SMYD2: variants seen among roughly 807,000 people sequenced by gnomAD.
SMYD2 encodes the protein SET and MYND domain containing 2.
A neutral mutation model predicts 59.1 loss-of-function variants in SMYD2; 53 were observed. The observed-to-expected ratio is 0.90, with a 90% CI of 0.72 to 1.13. The LOEUF is 1.13. SMYD2 is among the 50% of genes most tolerant of loss of function. The pLI, the probability that SMYD2 is intolerant of heterozygous loss-of-function variation, is 0.00. For synonymous variants in SMYD2, 208 were observed against 198.8 expected (o/e 1.05, Z -0.39); for missense variants, 494 against 544.7 (o/e 0.91, Z 0.93).
At chr1:214,283,600 T>G (rs1656482803) in intron 1 of SMYD2, among the ~76,000 whole-genome samples, 2 of 152,344 alleles carry the variant, frequency 1.3e-5, no homozygotes, top group African/African-American at 4.8e-5. Flanking sequence ...ATCTGATAGA[T>G]TCAGCATCAG....
At chr1:214,287,047 T>C (rs894524854) in intron 1 of SMYD2, among the ~76,000 whole-genome samples, 2 of 151,678 alleles carry the variant, frequency 1.3e-5, no homozygotes, top group African/African-American at 4.8e-5. Flanking sequence ...CAGGCTGGTC[T>C]TGAACTCCTG....
In SMYD2 at chr1:214,289,585, C is replaced by G. The variant is rs192280118; in HGVS notation, c.173+8158C>G. On this transcript the variant is annotated intron_variant, in intron 1 of 11. Coordinates refer to ENST00000366957, the MANE Select transcript of SMYD2 (RefSeq NM_020197.3). ...TTTTCAGAATGTTCCCTCTCATTTC[C>G]TGCTCTTCTCACAGACAGCTCCTCT... Among the ~76,000 whole-genome samples the G allele has an allele frequency of 4.9e-4, 74 of 152,302 alleles. 1 individual carries two copies. The highest frequency in any genetic ancestry group is 4.7e-4 in the Non-Finnish European group (32 of 68,020).
intron 2 of SMYD2, among the ~76,000 whole-genome samples, chr1:214,311,235 A>G (rs1656994735): frequency 6.6e-6 from 1 of 152,218 alleles, no homozygotes; most frequent in Admixed American, 6.5e-5. Context: ...TGAATGAGCA[A>G]TTACCAATGT....
intron 10 of SMYD2, 78 bp downstream of exon 10, chr1:214,332,270 T>C (rs1448149506): frequency 6.6e-7 from 1 of 1,513,480 alleles, no homozygotes; most frequent in East Asian, 2.3e-5. Flanking sequence ...GTCATCTTCC[T>C]GCCCATTGCT....
chr1:214,322,590 A>C (rs1657191419), intron 5 of SMYD2, among the ~76,000 whole-genome samples: 1 of 152,194 alleles, frequency 6.6e-6, no homozygotes, highest in Non-Finnish European at 1.5e-5. Context: ...CAAGATTTTC[A>C]AGCCCCTGCG....
At chr1:214,313,731 A>G (rs1657036348) in intron 2 of SMYD2, among the ~76,000 whole-genome samples, 1 of 151,986 alleles carries the variant, frequency 6.6e-6, no homozygotes, top group Non-Finnish European at 1.5e-5. Flanking sequence ...CCTAGTCCTC[A>G]AAGTACTTGC....
intron 1 of SMYD2, among the ~76,000 whole-genome samples, chr1:214,292,932 T>G (rs1175932134): frequency 6.6e-6 from 1 of 152,118 alleles, no homozygotes; most frequent in Admixed American, 6.5e-5. Flanking sequence ...AGGTAAGGCC[T>G]TAGAGCCTTC....
intron 1 of SMYD2, among the ~76,000 whole-genome samples, chr1:214,291,088 A>G (rs551541611): frequency 6.6e-6 from 1 of 152,204 alleles, no homozygotes; most frequent in Non-Finnish European, 1.5e-5. Flanking sequence ...TAGGAATTCT[A>G]CTTTTTAACT....
intron 1 of SMYD2, among the ~76,000 whole-genome samples, chr1:214,294,264 G>A (rs1050910269): frequency 2.6e-5 from 4 of 152,166 alleles, no homozygotes; most frequent in African/African-American, 7.2e-5. Context: ...GGGGTAATTC[G>A]CCTAAACAAA....
intron 9 of SMYD2, 38 bp from the exon 10 acceptor site, chr1:214,331,980 G>A: frequency 6.3e-7 from 1 of 1,592,838 alleles, no homozygotes; most frequent in East Asian, 2.2e-5. Flanking sequence ...CCTCCAGGCA[G>A]CTTGGGCCCG....
chr1:214,312,171 T>A lies in SMYD2; in HGVS notation c.238-2591T>A, dbSNP rs1302515909. ...TAGTTATATTTGGCGCGGCATTATT[T>A]AACTCTGCAGAACATCTTGGCCCAG... is the stretch of plus-strand genomic sequence containing the variant. On this transcript the variant is annotated intron_variant, in intron 2 of 11. Transcript: ENST00000366957. This position sits in a 1 kb window ranked among gnomAD's most constrained non-coding sequence, Gnocchi z 4.1. Among the ~76,000 whole-genome samples the A allele has an allele frequency of 6.6e-6, 1 of 152,218 alleles. No homozygotes were observed. Among genetic ancestry groups the A allele is most frequent in the Non-Finnish European group, 1.5e-5 (1 of 68,038 alleles).
At chr1:214,304,160 A>G (rs1279817664) in intron 1 of SMYD2, among the ~76,000 whole-genome samples, 3 of 152,204 alleles carry the variant, frequency 2.0e-5, no homozygotes, top group Non-Finnish European at 2.9e-5. Flanking sequence ...ATAACAATGA[A>G]TAAGTTGAAT....
intron 11 of SMYD2, among the ~76,000 whole-genome samples, chr1:214,334,528 T>C (rs1657406338): frequency 6.6e-6 from 1 of 152,052 alleles, no homozygotes; most frequent in African/African-American, 2.4e-5. Flanking sequence ...TCAAAGGGAA[T>C]GGGTGCCCAC....
intron 2 of SMYD2, among the ~76,000 whole-genome samples, chr1:214,309,797 TGAATGACTGA>T (rs1656970272): frequency 6.6e-6 from 1 of 152,196 alleles, no homozygotes; most frequent in Non-Finnish European, 1.5e-5. Flanking sequence ...GAAATGTGTG[TGAATGACTGA>T]GTATGTCTCA....
rs1368667337 is a variant in SMYD2, at chr1:214,281,185, C to T, written c.-70C>T. ...CCCCGCCCCCCGCAGCTCTAGGTGA[C>T]GCGTCTCCAATAACAGCTCGCCGGG... On this transcript the variant is annotated 5_prime_UTR_variant, in exon 1 of 12. In the 5' UTR this introduces an upstream ATG that the reference lacks. Coordinates refer to ENST00000366957, the MANE Select transcript of SMYD2 (RefSeq NM_020197.3). 8.9e-6 allele frequency: 10 copies of T among 1,127,658 alleles called. No homozygotes were observed. Among genetic ancestry groups the T allele is most frequent in the African/African-American group, 4.9e-5 (3 of 61,410 alleles). The allele number at this position is 1,127,658 out of a possible 1,614,324, so 69.9% of individuals were successfully genotyped here. A position where few individuals can be genotyped will look rare whatever the true frequency, so the allele number is the denominator to read the frequency against.
chr1:214,291,549 T>G (rs563190364), intron 1 of SMYD2, among the ~76,000 whole-genome samples: 57 of 152,360 alleles, frequency 3.7e-4, no homozygotes, highest in African/African-American at 1.2e-3. Context: ...ACTAGGCAGT[T>G]TTCCTTGAGT....
At chr1:214,321,285 C>T (rs78909688) in intron 5 of SMYD2, among the ~76,000 whole-genome samples, 12,777 of 152,076 alleles carry the variant, frequency 0.084, 612 homozygotes, top group South Asian at 0.19. Context: ...CACACATACA[C>T]GTAACTATAG....
At chr1:214,289,652 T>C (rs893926021) in intron 1 of SMYD2, among the ~76,000 whole-genome samples, 25 of 152,254 alleles carry the variant, frequency 1.6e-4, no homozygotes, top group Non-Finnish European at 3.4e-4. Context: ...TGTATGTGTG[T>C]CCTGATGATC....
intron 5 of SMYD2, among the ~76,000 whole-genome samples, chr1:214,322,217 A>G (rs1657183056): frequency 6.6e-6 from 1 of 152,250 alleles, no homozygotes; most frequent in African/African-American, 2.4e-5. Flanking sequence ...GAGGCGTGGT[A>G]GTACTCAGTC....
Sources: allele counts gnomAD v4.1 joint callset (sites outside exome capture counted in the v4.1 genomes callset), GRCh38; gene constraint gnomAD v4.1.1; non-coding constraint Gnocchi (gnomAD v3.1); transcripts MANE v1.5; gene names NCBI Gene and HGNC (gene_info 2026-07-23, HGNC 2026-07-21).